TTLL5: variants seen among roughly 807,000 people sequenced by gnomAD.
TTLL5 encodes tubulin tyrosine ligase like 5.
TTLL5 carries 132 observed loss-of-function variants against 168.4 expected under a neutral mutation model. That is an observed-to-expected ratio of 0.78 (90% confidence interval 0.68 to 0.91). The LOEUF is 0.91. Ranked by LOEUF, TTLL5 falls within the 40% of genes least tolerant of loss-of-function variation. The pLI, the probability that TTLL5 is intolerant of heterozygous loss-of-function variation, is 0.00. For synonymous variants in TTLL5, 546 were observed against 558.6 expected (o/e 0.98, Z 0.32); for missense variants, 1,545 against 1,581.5 (o/e 0.98, Z 0.39).
intron 31 of TTLL5, among the ~76,000 whole-genome samples, chr14:75,917,805 A>T (rs2033674045): frequency 6.6e-6 from 1 of 152,172 alleles, no homozygotes; most frequent in Non-Finnish European, 1.5e-5. Context: ...GTGAGGAGGT[A>T]GGAGGTGGGG....
chr14:75,729,400 T>C (rs1454201496), intron 12 of TTLL5, among the ~76,000 whole-genome samples: 4 of 151,520 alleles, frequency 2.6e-5, no homozygotes, highest in Non-Finnish European at 4.4e-5. Flanking sequence ...ACCTACTCTT[T>C]ACCTTTTAAA....
chr14:75,862,414 A>C (rs527750012), intron 28 of TTLL5, among the ~76,000 whole-genome samples: 1 of 152,222 alleles, frequency 6.6e-6, no homozygotes, highest in African/African-American at 2.4e-5. Context: ...AGTGTTTTCC[A>C]GAGTAACTGT....
intron 30 of TTLL5, among the ~76,000 whole-genome samples, chr14:75,890,863 G>T (rs1566647894): frequency 6.6e-6 from 1 of 152,132 alleles, no homozygotes; most frequent in African/African-American, 2.4e-5. Flanking sequence ...GGGACTACAG[G>T]CATGCACCAC....
At position 75,895,281 on chromosome 14, in the gene TTLL5, C is replaced by G. The variant is rs143287818; in HGVS notation, c.3741-6861C>G. On this transcript the variant is annotated intron_variant, in intron 30 of 31. Transcript: ENST00000298832. ...TGTCTTCTATTTTTTAACGCTGATT[C>G]TGAGCCCTGAAATTCATTTTACAAC... is the stretch of plus-strand genomic sequence containing the variant. Among the ~76,000 whole-genome samples, 15 of 152,284 alleles carry G rather than the reference C, an allele frequency of 9.9e-5. No individual in the cohort carries two copies. In the East Asian group the frequency reaches 1.3e-3, roughly 14 times the overall value.
intron 30 of TTLL5, among the ~76,000 whole-genome samples, chr14:75,892,366 T>A (rs940167924): frequency 6.6e-6 from 1 of 152,232 alleles, no homozygotes; most frequent in Admixed American, 6.5e-5. Context: ...AAGCTGAAGC[T>A]ACAGGCTTTC....
intron 3 of TTLL5, among the ~76,000 whole-genome samples, chr14:75,679,512 G>A (rs1010467142): frequency 1.3e-5 from 2 of 152,200 alleles, no homozygotes; most frequent in African/African-American, 4.8e-5. Context: ...CAAATGTGTT[G>A]TAATTTGTCA....
intron 9 of TTLL5, among the ~76,000 whole-genome samples, chr14:75,708,877 G>T (rs1886843347): frequency 6.6e-6 from 1 of 152,066 alleles, no homozygotes; most frequent in Non-Finnish European, 1.5e-5. Context: ...TATAGAGCAG[G>T]GGTGTCCAAT....
In TTLL5 at chr14:75,793,697, A is replaced by G. The variant is rs1194034655; in HGVS notation, c.3171+597A>G. Among the ~76,000 whole-genome samples, 12 of 152,358 alleles carry G rather than the reference A, an allele frequency of 7.9e-5. No individual in the cohort carries two copies. The East Asian group carries it at 2.1e-3, about 27-fold the overall frequency. ...TAACAGGATATTGTCCTTATGCTAT[A>G]TAGATATTAACAATCTTGCAACACA... On this transcript the variant is annotated intron_variant, in intron 27 of 31. Coordinates refer to ENST00000298832, the MANE Select transcript of TTLL5 (RefSeq NM_015072.5).
intron 22 of TTLL5, 116 bp downstream of exon 22, chr14:75,775,746 A>T (rs1035614): frequency 0.77 from 984,365 of 1,281,542 alleles, 380,488 homozygotes; most frequent in Admixed American, 0.81. Flanking sequence ...CTCTGGCATC[A>T]CCATCCCTTA....
rs1891742483 is a variant in TTLL5 at position 75,776,692 on chromosome 14, TA to T, written c.2284-54del. ...GAAACTACATGATGAAGTGCATATT[TA>T]TTAGGAGTCAGTTTTATCTTGTTGT... On this transcript the variant is annotated intron_variant, in intron 22 of 31. Coordinates refer to ENST00000298832, the MANE Select transcript of TTLL5 (RefSeq NM_015072.5). 49 of 1,310,132 alleles carry T rather than the reference TA, an allele frequency of 3.7e-5. 1 individual carries two copies. In the South Asian group the frequency reaches 5.9e-4, roughly 16 times the overall value. 81.2% of individuals were successfully genotyped at this position (1,310,132 alleles called of 1,614,324 possible).
intron 7 of TTLL5, among the ~76,000 whole-genome samples, chr14:75,702,488 A>G (rs2140161907): frequency 6.6e-6 from 1 of 152,354 alleles, no homozygotes; most frequent in African/African-American, 2.4e-5. Context: ...CAAAAAGAAT[A>G]GGATCTATTC....
chr14:75,873,174 C>T (rs1164680741), intron 29 of TTLL5, among the ~76,000 whole-genome samples: 4 of 151,086 alleles, frequency 2.6e-5, no homozygotes, highest in Non-Finnish European at 2.9e-5. Flanking sequence ...CCCGGGTTCA[C>T]GCCATTCTCC....
At position 75,886,649 on chromosome 14, in the gene TTLL5, A is replaced by G. The variant is rs184407740; in HGVS notation, c.3740+3747A>G. The G allele has an allele frequency of 3.8e-5, 60 of 1,586,772 alleles. No individual in the cohort carries two copies. In the East Asian group the frequency reaches 1.3e-3, roughly 33 times the overall value. On this transcript the variant is annotated intron_variant, in intron 30 of 31. Coordinates refer to ENST00000298832, the MANE Select transcript of TTLL5 (RefSeq NM_015072.5). ...TTTTTTTACCATTTTCCTGGTGCCA[A>G]TAATCTTTCTTGATTTTCTTCTCCA...
intron 31 of TTLL5, among the ~76,000 whole-genome samples, chr14:75,903,839 G>C (rs1254138521): frequency 6.6e-6 from 1 of 151,234 alleles, no homozygotes; most frequent in Admixed American, 6.6e-5. Flanking sequence ...AGGCTGCAGT[G>C]AGTTGTGATC....
chr14:75,698,921 A>G (rs1340856771), intron 6 of TTLL5, among the ~76,000 whole-genome samples: 4 of 151,692 alleles, frequency 2.6e-5, no homozygotes, highest in Admixed American at 6.6e-5. Flanking sequence ...AAAAAAAAAG[A>G]AAAGGAAAGA....
chr14:75,761,178 G>A (rs148328097), intron 18 of TTLL5, among the ~76,000 whole-genome samples: 120 of 152,248 alleles, frequency 7.9e-4, no homozygotes, highest in Admixed American at 1.4e-3. Flanking sequence ...GTAAAACCAC[G>A]TTATACCACT....
intron 23 of TTLL5, 114 bp from the exon 24 acceptor site, chr14:75,779,461 C>T: frequency 6.8e-7 from 1 of 1,459,922 alleles, no homozygotes; most frequent in Admixed American, 2.3e-5. Flanking sequence ...GAATTTTCAG[C>T]TTGTGCTTTT....
intron 28 of TTLL5, among the ~76,000 whole-genome samples, chr14:75,858,783 T>C (rs1468928664): frequency 3.9e-5 from 6 of 152,242 alleles, no homozygotes; most frequent in Non-Finnish European, 7.3e-5. Context: ...TTGAAGTGAA[T>C]AGACTTTCTT....
chr14:75,892,931 T>C (rs571233756), intron 30 of TTLL5, among the ~76,000 whole-genome samples: 1 of 152,114 alleles, frequency 6.6e-6, no homozygotes, highest in African/African-American at 2.4e-5. Flanking sequence ...AACTATATAA[T>C]CTTCAGACAC....
Sources: allele counts gnomAD v4.1 joint callset (sites outside exome capture counted in the v4.1 genomes callset), GRCh38; gene constraint gnomAD v4.1.1; transcripts MANE v1.5; gene names NCBI Gene and HGNC (gene_info 2026-07-23, HGNC 2026-07-21).